Variants in PITRM1 observed in about 807,000 individuals in gnomAD.
The protein encoded by PITRM1 is presequence protease, mitochondrial.
A neutral mutation model predicts 129.9 loss-of-function variants in PITRM1; 100 were observed. That is an observed-to-expected ratio of 0.77 (90% CI 0.65 to 0.91). The LOEUF (loss-of-function observed/expected upper bound fraction) is 0.91. Among genes scored for constraint, PITRM1 ranks in the 40% least tolerant of loss-of-function variants. The pLI, the probability that PITRM1 is intolerant of heterozygous loss-of-function variation, is 0.00. For missense variants in PITRM1, 1,471 were observed against 1,318.3 expected (o/e 1.12, Z -1.79); for synonymous variants, 591 against 508.8 (o/e 1.16, Z -2.17).
intron 21 of PITRM1, 33 bp downstream of exon 21, chr10:3,145,563 C>A: frequency 6.5e-7 from 1 of 1,542,434 alleles, no homozygotes. Flanking sequence ...ACCCACCAGG[C>A]GCTCACCGGG....
intron 16 of PITRM1, chr10:3,149,273 C>T (rs115851743): frequency 1.1e-5 from 2 of 183,292 alleles, no homozygotes. Context: ...GAGCCACGCA[C>T]GCAGCAGGCA....
chr10:3,171,157 A>C (rs1285303898), intron 1 of PITRM1, among the ~76,000 whole-genome samples: 7 of 87,282 alleles, frequency 8.0e-5, no homozygotes, highest in Non-Finnish European at 7.3e-5. Context: ...TAAAAAAAAA[A>C]AAAAAAAAAA....
intron 25 of PITRM1, 54 bp from the exon 26 acceptor site, chr10:3,138,391 G>T: frequency 8.1e-7 from 1 of 1,228,370 alleles, no homozygotes; most frequent in South Asian, 1.2e-5. Flanking sequence ...CTCGCGTTGT[G>T]GGCTGTGCAC....
At chr10:3,147,302 C>A in intron 19 of PITRM1, 52 bp from the exon 20 acceptor site, 1 of 1,335,086 alleles carries the variant, frequency 7.5e-7, no homozygotes, top group South Asian at 1.2e-5. Flanking sequence ...AACAGACCCG[C>A]TGAGTCTGAA....
chr10:3,166,375 T>TGTACGCTAGGGAAGAGAGAGGAATG lies in PITRM1; in HGVS notation c.271_272insCATTCCTCTCTCTTCCCTAGCGTAC (p.Gln91ProfsTer7). ...ACTGTCCATGGGAGTAGTACGGAAC[T>TGTACGCTAGGGAAGAGAGAGGAATG]GCACGCTAGGGAAGGAGAATGACCA... On this transcript the variant is annotated stop_gained and frameshift_variant, in exon 4 of 27. Transcript: ENST00000224949. LOFTEE classifies it high-confidence loss of function. The TGTACGCTAGGGAAGAGAGAGGAATG allele has an allele frequency of 5.0e-6, 7 of 1,413,946 alleles. No homozygotes were observed. Among genetic ancestry groups the TGTACGCTAGGGAAGAGAGAGGAATG allele is most frequent in the Non-Finnish European group, 6.9e-6 (7 of 1,008,360 alleles). The allele number at this position is 1,413,946 out of a possible 1,614,324, so 87.6% of individuals were successfully genotyped here. A position where few individuals can be genotyped will look rare whatever the true frequency, so the allele number is the denominator to read the frequency against.
chr10:3,160,647 C>T (rs1189392158), intron 7 of PITRM1, among the ~76,000 whole-genome samples: 1 of 152,218 alleles, frequency 6.6e-6, no homozygotes, highest in Non-Finnish European at 1.5e-5. Flanking sequence ...CTTCAGGCAT[C>T]TGCTGGAGTG....
chr10:3,140,668 G>C lies in PITRM1; in HGVS notation c.2771+19C>G, dbSNP rs1441978745. 8.8e-6 allele frequency: 14 copies of C among 1,590,922 alleles called. No individual in the cohort carries two copies. Among genetic ancestry groups the C allele is most frequent in the Non-Finnish European group, 1.2e-5 (14 of 1,166,986 alleles). ...AAACGACGTGTGCATCCCAATGTGT[G>C]AACTAGAGCAAAACTCACCTGTAAG... On this transcript the variant is annotated intron_variant, in intron 24 of 26. Coordinates refer to ENST00000224949, the MANE Select transcript of PITRM1 (RefSeq NM_014889.4).
At chr10:3,163,548 A>G (rs1842622071) in intron 7 of PITRM1, 177 bp downstream of exon 7, 1 of 540,184 alleles carries the variant, frequency 1.9e-6, no homozygotes, top group Non-Finnish European at 3.2e-6. Flanking sequence ...CTATCATTGT[A>G]AATGTCCAAA....
At chr10:3,162,782 A>C (rs1452933197) in intron 7 of PITRM1, among the ~76,000 whole-genome samples, 2 of 152,210 alleles carry the variant, frequency 1.3e-5, no homozygotes, top group South Asian at 4.1e-4. Flanking sequence ...CGCCAGAAAG[A>C]AACTGGGCCT....
intron 21 of PITRM1, chr10:3,144,827 G>A (rs1007055860): frequency 6.5e-6 from 1 of 153,084 alleles, no homozygotes; most frequent in East Asian, 1.9e-4. Context: ...ACTAAAAAAA[G>A]AAATAAAGTG....
chr10:3,165,358 G>T (rs753261971), intron 5 of PITRM1, 24 bp from the exon 6 acceptor site: 3 of 1,597,260 alleles, frequency 1.9e-6, no homozygotes, highest in Non-Finnish European at 1.7e-6. Flanking sequence ...ATTATAAGCT[G>T]ATAGTGACTC....
chr10:3,145,720 T>C lies in PITRM1; in HGVS notation c.2337-4A>G. 6.5e-7 allele frequency: 1 copy of C among 1,545,998 alleles called. No individual in the cohort carries two copies. Among genetic ancestry groups the C allele is most frequent in the South Asian group, 1.2e-5 (1 of 83,882 alleles). On this transcript the variant is annotated splice_polypyrimidine_tract_variant and splice_region_variant and intron_variant, in intron 20 of 26. Coordinates refer to ENST00000224949, the MANE Select transcript of PITRM1 (RefSeq NM_014889.4). Reference sequence around the variant, plus strand: ...AGGAGTCGCATTCACTGAACACCTGTTTGAAAAATTATGTATACATAAAAC... The same window carrying C: ...AGGAGTCGCATTCACTGAACACCTGCTTGAAAAATTATGTATACATAAAAC...
Position 3,158,097 on chromosome 10 carries a change from T to C in PITRM1, c.1193A>G (p.Glu398Gly), listed in dbSNP as rs1221871571. 1 of 1,612,188 alleles carries C rather than the reference T, an allele frequency of 6.2e-7. No individual in the cohort carries two copies. The highest frequency in any genetic ancestry group is 8.5e-7 in the Non-Finnish European group (1 of 1,178,406). ...GCTTCTGACGGTCTCAATGTCTTTC[T>C]CCGCAATCCCTTGGAGGCCGACACT... ...YFSVGLQGIA[E>G]KDIETVRSLI... is the part of the protein sequence containing the mutation. The change falls in exon 11 of 27, where the codon GAG becomes GGG. Residue 398 changes from glutamate to glycine, a missense_variant. Physicochemically the swap from Glu to Gly is moderately conservative, Grantham distance 98 (BLOSUM62 -2). Coordinates refer to ENST00000224949, the MANE Select transcript of PITRM1 (RefSeq NM_014889.4).
chr10:3,144,292 C>T lies in PITRM1; in HGVS notation c.2532G>A (p.Met844Ile), dbSNP rs1318441027. 1.3e-6 allele frequency: 2 copies of T among 1,549,858 alleles called. No individual in the cohort carries two copies. The highest frequency in any genetic ancestry group is 2.7e-5 in the African/African-American group (2 of 73,266). Residue 844 changes from methionine to isoleucine, a missense_variant and splice_region_variant, in exon 22 of 27, where the codon ATG becomes ATA. By Grantham distance (10) the Met-to-Ile change is conservative. Coordinates refer to ENST00000224949, the MANE Select transcript of PITRM1 (RefSeq NM_014889.4). ...HGSQVIRKLVMEPTFKPWQMK... is the reference protein window; with the variant it reads ...HGSQVIRKLVIEPTFKPWQMK... ...AACCCGGATGGGCTGTGGTTCTTAC[C>T]ATGACCAGCTTCCTAATGACCTGGG...
rs116275739 is a variant in PITRM1, at chr10:3,143,878, C to A, written c.2533-377G>T. 1.4e-3 allele frequency: 760 copies of A among 532,770 alleles called. 6 individuals are homozygous for A. Among genetic ancestry groups the A allele is most frequent in the African/African-American group, 0.013 (694 of 53,716 alleles). The allele number at this position is 532,770 out of a possible 1,614,324, so 33.0% of individuals were successfully genotyped here. A position where few individuals can be genotyped will look rare whatever the true frequency, so the allele number is the denominator to read the frequency against. On this transcript the variant is annotated intron_variant, in intron 22 of 26. Coordinates refer to ENST00000224949, the MANE Select transcript of PITRM1 (RefSeq NM_014889.4). ...TAGGAATGTGTTAAATCACTCTACT[C>A]CACAAGGAACCAAACCAAACAGCAT...
intron 10 of PITRM1, 69 bp from the exon 11 acceptor site, chr10:3,158,222 G>T: frequency 2.3e-6 from 2 of 866,798 alleles, no homozygotes; most frequent in South Asian, 1.4e-5. Flanking sequence ...TAATATGCTT[G>T]ATTTAAAGAT....
intron 10 of PITRM1, 32 bp downstream of exon 10, chr10:3,158,882 G>A: frequency 1.1e-5 from 18 of 1,605,986 alleles, no homozygotes; most frequent in Non-Finnish European, 1.5e-5. Flanking sequence ...CAACCAATGA[G>A]AACTACTGAT....
At chr10:3,169,486 T>C (rs1843161518) in intron 2 of PITRM1, among the ~76,000 whole-genome samples, 1 of 152,224 alleles carries the variant, frequency 6.6e-6, no homozygotes, top group African/African-American at 2.4e-5. Flanking sequence ...AGTAAGCTGT[T>C]TGTCTTTCAC....
At chr10:3,164,046 C>T (rs1000908947) in intron 6 of PITRM1, 161 bp from the exon 7 acceptor site, 12 of 397,858 alleles carry the variant, frequency 3.0e-5, no homozygotes, top group African/African-American at 1.5e-4. Flanking sequence ...AAAACACCCA[C>T]GCAGGCATTG....
Sources: gnomAD v4.1 joint callset for allele counts (sites outside exome capture counted in the v4.1 genomes callset) on GRCh38, gnomAD v4.1.1 for gene constraint, MANE v1.5 for transcripts, NCBI Gene and HGNC (gene_info 2026-07-23, HGNC 2026-07-21) for gene names.